The following FAM151B variants were observed in gnomAD, a reference collection of about 807,000 sequenced individuals.
The protein encoded by FAM151B is protein FAM151B.
In FAM151B, 24 loss-of-function variants were observed where a neutral mutation model predicts 31.2. The observed-to-expected ratio is 0.77, with a 90% CI of 0.56 to 1.08. The LOEUF is 1.08. Among genes scored for constraint, FAM151B ranks in the 50% least tolerant of loss-of-function variants. The pLI is 0.00. For missense variants in FAM151B, 293 were observed against 328.6 expected (o/e 0.89, Z 0.84); for synonymous variants, 105 against 111.4 (o/e 0.94, Z 0.36).
intron 5 of FAM151B, among the ~76,000 whole-genome samples, chr5:80,530,792 G>A (rs1160964302): frequency 5.9e-5 from 9 of 152,126 alleles, no homozygotes; most frequent in Non-Finnish European, 7.4e-5. Flanking sequence ...AATCAATACC[G>A]TGAAAATGGC....
At chr5:80,519,592 T>G in intron 3 of FAM151B, 101 bp from the exon 4 acceptor site, 1 of 952,322 alleles carries the variant, frequency 1.1e-6, no homozygotes, top group Non-Finnish European at 1.6e-6. Context: ...ATTATTGTAT[T>G]TTGATTATGA....
At chr5:80,505,043 A>G (rs916068448) in intron 2 of FAM151B, among the ~76,000 whole-genome samples, 3 of 152,238 alleles carry the variant, frequency 2.0e-5, no homozygotes, top group Non-Finnish European at 4.4e-5. Context: ...ACTCAGCACT[A>G]TTCACATGGT....
At chr5:80,528,777 C>G (rs907236932) in intron 5 of FAM151B, among the ~76,000 whole-genome samples, 1 of 151,642 alleles carries the variant, frequency 6.6e-6, no homozygotes, top group Non-Finnish European at 1.5e-5. Context: ...GATTCCCACA[C>G]AATAATAATG....
In FAM151B at chr5:80,519,705, A is replaced by G. The variant is rs755420407; in HGVS notation, c.330A>G (p.Val110=). 7 of 1,613,862 alleles carry G rather than the reference A, an allele frequency of 4.3e-6. 1 individual carries two copies. The South Asian group carries it at 5.5e-5, about 13-fold the overall frequency. The part of the protein sequence containing the change: ...IKLDFKSLAV[V]EPSMMLLENV... ...ATTATGTTTTTAGTCTGGCAGTTGT[A>G]GAACCATCCATGATGCTCTTGGAAA... The change falls in exon 4 of 6, where the codon GTA becomes GTG. Residue 110 remains valine (V), a synonymous_variant. Coordinates refer to ENST00000282226, the MANE Select transcript of FAM151B (RefSeq NM_205548.3).
rs553058834 is a variant in FAM151B at position 80,501,193 on chromosome 5, T to A, written c.26-599T>A. 3.1e-4 allele frequency: 98 copies of A among 311,506 alleles called. No homozygotes were observed. The East Asian group carries it at 4.7e-3, about 15-fold the overall frequency. The allele number at this position is 311,506 out of a possible 1,614,324, so 19.3% of individuals were successfully genotyped here. ...CACACCTGGCTAATTTTTTTTTTTT[T>A]ATTTTTGTTAGAGACAGGGTTCCAC... On this transcript the variant is annotated intron_variant, in intron 1 of 5. Transcript: ENST00000282226.
chr5:80,527,804 T>C (rs1253264173), intron 5 of FAM151B, among the ~76,000 whole-genome samples: 1 of 152,218 alleles, frequency 6.6e-6, no homozygotes, highest in Non-Finnish European at 1.5e-5. Context: ...TTATAAACTG[T>C]GTACTTAGAC....
At chr5:80,539,314 T>C (rs1745762723) in intron 5 of FAM151B, among the ~76,000 whole-genome samples, 2 of 152,272 alleles carry the variant, frequency 1.3e-5, no homozygotes, top group Admixed American at 6.5e-5. Context: ...TTCATACCTA[T>C]TTTCTCTTCA....
chr5:80,536,775 G>A (rs1420151515), intron 5 of FAM151B, among the ~76,000 whole-genome samples: 1 of 152,164 alleles, frequency 6.6e-6, no homozygotes, highest in Non-Finnish European at 1.5e-5. Flanking sequence ...AGATCATTAT[G>A]TTAAGTGAAA....
Position 80,538,448 on chromosome 5 carries a change from CT to C in FAM151B, c.672-3224del, listed in dbSNP as rs1368030653. ...TCTTTCTTTCTTTCTTTCTTTCTTT[CT>C]CTTTCTTTCTTTCTTTCTTTCTTTC... On this transcript the variant is annotated intron_variant, in intron 5 of 5. Transcript: ENST00000282226. Among the ~76,000 whole-genome samples the C allele has an allele frequency of 2.3e-3, 112 of 49,360 alleles. 2 individuals carry two copies. The highest frequency in any genetic ancestry group is 0.01 in the African/African-American group (105 of 10,178). 32.4% of individuals were successfully genotyped at this position (49,360 alleles called of 152,430 possible).
At chr5:80,510,880 A>T (rs999911794) in intron 2 of FAM151B, 2 of 152,364 alleles carry the variant, frequency 1.3e-5, no homozygotes, top group South Asian at 4.1e-4. Context: ...TGAAGAAGCC[A>T]GAGAAATTAC....
rs1743177465 is a variant in FAM151B, at chr5:80,488,148, G to C, written c.25G>C (p.Gly9Arg). The part of the protein sequence containing the change: MAASAGGP[G>R]SWSENILEYF... ...CATGGCAGCATCCGCTGGAGGCCCA[G>C]GTAAGCGCCGAGCGCGCGGCCTCTG... The change falls in exon 1 of 6, where the codon GGA becomes CGA. Residue 9 changes from glycine (G) to arginine (R), a missense_variant and splice_region_variant. Transcript: ENST00000282226. 1.3e-6 allele frequency: 2 copies of C among 1,542,034 alleles called. No individual in the cohort carries two copies. The highest frequency in any genetic ancestry group is 1.4e-5 in the African/African-American group (1 of 72,656).
chr5:80,516,589 T>G (rs962623342), intron 3 of FAM151B, among the ~76,000 whole-genome samples: 1 of 152,226 alleles, frequency 6.6e-6, no homozygotes, highest in African/African-American at 2.4e-5. Flanking sequence ...TTCAGGAGAC[T>G]TAAATAAATA....
intron 2 of FAM151B, among the ~76,000 whole-genome samples, chr5:80,505,130 A>G (rs1743902784): frequency 1.3e-5 from 2 of 152,230 alleles, no homozygotes; most frequent in African/African-American, 4.8e-5. Context: ...TGCATTTGAT[A>G]GAGAATAAAA....
At chr5:80,512,780 T>TAAAA (rs149239966) in intron 2 of FAM151B, among the ~76,000 whole-genome samples, 5,729 of 132,856 alleles carry the variant, frequency 0.043, 194 homozygotes, top group African/African-American at 0.087. Flanking sequence ...ACCCTGTTTC[T>TAAAA]AAAAAAAAAA....
intron 1 of FAM151B, among the ~76,000 whole-genome samples, chr5:80,494,537 G>T (rs1243982112): frequency 2.2e-5 from 3 of 137,276 alleles, no homozygotes; most frequent in East Asian, 4.2e-4. Flanking sequence ...TTTTAAGACA[G>T]GGTCTCCCTC....
At chr5:80,533,205 G>A (rs779489695) in intron 5 of FAM151B, among the ~76,000 whole-genome samples, 6 of 151,770 alleles carry the variant, frequency 4.0e-5, no homozygotes, top group Non-Finnish European at 7.4e-5. Context: ...GTGAAACCCC[G>A]TCTCTACTAA....
At chr5:80,527,348 G>C (rs978117547) in intron 5 of FAM151B, among the ~76,000 whole-genome samples, 3 of 151,946 alleles carry the variant, frequency 2.0e-5, no homozygotes, top group African/African-American at 7.3e-5. Context: ...GCTTGAACCT[G>C]GAAGGCAGAA....
chr5:80,492,762 G>T (rs1350293871), intron 1 of FAM151B, among the ~76,000 whole-genome samples: 1 of 152,134 alleles, frequency 6.6e-6, no homozygotes, highest in Non-Finnish European at 1.5e-5. Flanking sequence ...AGACCAGCCT[G>T]GGCAACGTAT....
At chr5:80,532,803 C>T (rs1419424750) in intron 5 of FAM151B, among the ~76,000 whole-genome samples, 2 of 152,174 alleles carry the variant, frequency 1.3e-5, no homozygotes, top group Non-Finnish European at 2.9e-5. Context: ...CAAGCATCTT[C>T]TCTGACCACA....
Sources: gnomAD v4.1 joint callset for allele counts (sites outside exome capture counted in the v4.1 genomes callset) on GRCh38, gnomAD v4.1.1 for gene constraint, MANE v1.5 for transcripts, NCBI Gene and HGNC (gene_info 2026-07-23, HGNC 2026-07-21) for gene names.